The following INTS8 variants were observed in gnomAD, a reference collection of about 807,000 sequenced individuals.
The protein encoded by INTS8 is integrator complex subunit 8.
Under a neutral mutation model 138.9 loss-of-function variants are expected in INTS8, and 47 were observed. That is an observed-to-expected ratio of 0.34 (90% CI 0.27 to 0.43). The LOEUF (loss-of-function observed/expected upper bound fraction) is 0.43. INTS8 is among the 20% of genes least tolerant of loss of function. The pLI is 1.00. For synonymous variants in INTS8, 392 were observed against 400.9 expected (o/e 0.98, Z 0.27); for missense variants, 996 against 1,173.0 (o/e 0.85, Z 2.20).
At chr8:94,859,345 C>T (rs1246461349) in intron 15 of INTS8, among the ~76,000 whole-genome samples, 166 bp from the exon 16 acceptor site, 1 of 151,708 alleles carries the variant, frequency 6.6e-6, no homozygotes, top group Non-Finnish European at 1.5e-5. Context: ...AACTCCTGGC[C>T]TCAAGTGATC....
chr8:94,850,099 C>A lies in INTS8; in HGVS notation c.1507+8C>A. ...CATTTTATGATATCCCAGGTTAGCT[C>A]TCTAGTCGGCCAGCCAAAATGTTGG... On this transcript the variant is annotated splice_region_variant and intron_variant, in intron 12 of 26. Transcript: ENST00000523731. 6.4e-7 allele frequency: 1 copy of A among 1,564,800 alleles called. No homozygotes were observed. Among genetic ancestry groups the A allele is most frequent in the South Asian group, 1.2e-5 (1 of 82,568 alleles).
rs1233317527 is a variant in INTS8, at chr8:94,880,949, C to A, written c.*715C>A. On this transcript the variant is annotated 3_prime_UTR_variant, in exon 27 of 27. Transcript: ENST00000523731. The stretch of plus-strand genomic sequence containing the variant: ...ACAGCATTTATCTTGTTTATAATTT[C>A]TTTGGTACTCCCACTGTTTAGAGCA... 2.5e-6 allele frequency: 1 copy of A among 398,634 alleles called. No homozygotes were observed. The highest frequency in any genetic ancestry group is 4.4e-6 in the Non-Finnish European group (1 of 225,904). 24.7% of individuals were successfully genotyped at this position (398,634 alleles called of 1,614,324 possible). A position where few individuals can be genotyped will look rare whatever the true frequency, so the allele number is the denominator to read the frequency against.
intron 8 of INTS8, among the ~76,000 whole-genome samples, chr8:94,840,966 G>T (rs140212170): frequency 0.034 from 5,095 of 149,304 alleles, 94 homozygotes; most frequent in Non-Finnish European, 0.04. Flanking sequence ...AGGCTGGAGT[G>T]CAGTGGCACC....
intron 22 of INTS8, 77 bp from the exon 23 acceptor site, chr8:94,874,475 T>A: frequency 3.8e-6 from 3 of 796,712 alleles, no homozygotes; most frequent in Non-Finnish European, 6.6e-6. Flanking sequence ...TCTTTTGACA[T>A]CCCATACCAG....
intron 8 of INTS8, among the ~76,000 whole-genome samples, chr8:94,839,243 CTT>C (rs775016632): frequency 4.6e-5 from 7 of 152,178 alleles, no homozygotes; most frequent in Non-Finnish European, 1.0e-4. Context: ...TAATGAGTCT[CTT>C]GAGACTTTTA....
intron 18 of INTS8, 66 bp downstream of exon 18, chr8:94,866,257 T>C: frequency 1.2e-6 from 1 of 830,042 alleles, no homozygotes; most frequent in Non-Finnish European, 2.1e-6. Context: ...CTAAAAATTA[T>C]TGGGTACTTC....
At chr8:94,847,035 C>G (rs1316225946) in intron 10 of INTS8, among the ~76,000 whole-genome samples, 5 of 151,982 alleles carry the variant, frequency 3.3e-5, no homozygotes. Flanking sequence ...GATTGATGCA[C>G]ATATTTTTAT....
intron 16 of INTS8, among the ~76,000 whole-genome samples, chr8:94,862,025 C>A (rs1333577980): frequency 3.3e-5 from 5 of 152,078 alleles, no homozygotes; most frequent in Admixed American, 6.5e-5. Flanking sequence ...ATTGCAACCT[C>A]TACCTCCCAG....
rs1463858744 is a variant in INTS8 at position 94,874,259 on chromosome 8, G to T, written c.2638-293G>T. Among the ~76,000 whole-genome samples, 17 of 141,878 alleles carry T rather than the reference G, an allele frequency of 1.2e-4. No individual in the cohort carries two copies. In the East Asian group the frequency reaches 2.9e-3, roughly 24 times the overall value. 93.1% of individuals were successfully genotyped at this position (141,878 alleles called of 152,430 possible). A position where few individuals can be genotyped will look rare whatever the true frequency, so the allele number is the denominator to read the frequency against. Reference sequence around the variant, plus strand: ...TCAAATTTTGTCCGTTTTTTTTTTTGATATGCATTGCCATTTCCTCTGATG... The same window carrying T: ...TCAAATTTTGTCCGTTTTTTTTTTTTATATGCATTGCCATTTCCTCTGATG... On this transcript the variant is annotated intron_variant, in intron 22 of 26. Coordinates refer to ENST00000523731, the MANE Select transcript of INTS8 (RefSeq NM_017864.4).
intron 21 of INTS8, 133 bp from the exon 22 acceptor site, chr8:94,873,241 T>A: frequency 1.3e-6 from 1 of 753,280 alleles, no homozygotes; most frequent in Non-Finnish European, 2.4e-6. Flanking sequence ...AAATACGAAC[T>A]AACATTTTAT....
chr8:94,876,287 T>A lies in INTS8; in HGVS notation c.2827+2T>A. ...TTACCATTTTGGAATACTTGACTTG[T>A]ATCCTTTCATCCATGTGTGTGATGT... On this transcript the variant is annotated splice_donor_variant, in intron 25 of 26. Coordinates refer to ENST00000523731, the MANE Select transcript of INTS8 (RefSeq NM_017864.4). LOFTEE classifies it high-confidence loss of function. 6.2e-7 allele frequency: 1 copy of A among 1,601,292 alleles called. No homozygotes were observed. The highest frequency in any genetic ancestry group is 8.6e-7 in the Non-Finnish European group (1 of 1,168,904).
At chr8:94,846,156 A>G (rs1300096262) in intron 10 of INTS8, among the ~76,000 whole-genome samples, 1 of 152,210 alleles carries the variant, frequency 6.6e-6, no homozygotes, top group African/African-American at 2.4e-5. Context: ...TTTTGTATCC[A>G]ACAACTTTGC....
At position 94,880,825 on chromosome 8, in the gene INTS8, T is replaced by C. The variant is rs1816781198; in HGVS notation, c.*591T>C. 1 of 398,596 alleles carries C rather than the reference T, an allele frequency of 2.5e-6. No homozygotes were observed. The highest frequency in any genetic ancestry group is 4.4e-5 in the Admixed American group (1 of 22,730). The allele number at this position is 398,596 out of a possible 1,614,324, so 24.7% of individuals were successfully genotyped here. ...TAAAGTGACTTCCTCATATAAATAG[T>C]TTGAAAGGGTACTTAAGTTTTTCAC... On this transcript the variant is annotated 3_prime_UTR_variant, in exon 27 of 27. Coordinates refer to ENST00000523731, the MANE Select transcript of INTS8 (RefSeq NM_017864.4).
chr8:94,870,890 C>T (rs999946941), intron 20 of INTS8, among the ~76,000 whole-genome samples: 1 of 152,052 alleles, frequency 6.6e-6, no homozygotes, highest in Admixed American at 6.5e-5. Context: ...TGGGTGCCGG[C>T]CTCGCTTTTC....
rs748785965 is a variant in INTS8, at chr8:94,880,240, T to TA, written c.*9dup. ...TGGCAAAACTTTACTTTTAAGCAGT[T>TA]AAATTTTTTTAACTTTTATTTTTTA... On this transcript the variant is annotated 3_prime_UTR_variant, in exon 27 of 27. Coordinates refer to ENST00000523731, the MANE Select transcript of INTS8 (RefSeq NM_017864.4). The TA allele has an allele frequency of 2.0e-6, 3 of 1,500,948 alleles. No homozygotes were observed. The African/African-American group carries it at 4.2e-5, about 21-fold the overall frequency. 93.0% of individuals were successfully genotyped at this position (1,500,948 alleles called of 1,614,324 possible). A position where few individuals can be genotyped will look rare whatever the true frequency, so the allele number is the denominator to read the frequency against.
In INTS8 at chr8:94,849,453, A is replaced by G. The variant is rs908167950; in HGVS notation, c.1261-9A>G. The G allele has an allele frequency of 2.8e-6, 4 of 1,412,864 alleles. No homozygotes were observed. The highest frequency in any genetic ancestry group is 3.9e-6 in the Non-Finnish European group (4 of 1,024,018). 87.5% of individuals were successfully genotyped at this position (1,412,864 alleles called of 1,614,324 possible). On this transcript the variant is annotated splice_polypyrimidine_tract_variant and intron_variant, in intron 10 of 26. Transcript: ENST00000523731. ...CCCATATTCAAATGAAAATTACTCA[A>G]ATTCCTAGGTATGTTCAAGATCAGT... is the stretch of plus-strand genomic sequence containing the variant.
chr8:94,874,032 A>G (rs1472558397), intron 22 of INTS8, among the ~76,000 whole-genome samples: 1 of 152,188 alleles, frequency 6.6e-6, no homozygotes, highest in Non-Finnish European at 1.5e-5. Flanking sequence ...AAAAAAACAT[A>G]TCCATTGCCT....
chr8:94,824,122 A>C (rs1297873275), intron 1 of INTS8, among the ~76,000 whole-genome samples: 2 of 152,242 alleles, frequency 1.3e-5, no homozygotes, highest in African/African-American at 4.8e-5. Flanking sequence ...TATAGTGATG[A>C]TAATGATTAA....
intron 16 of INTS8, among the ~76,000 whole-genome samples, chr8:94,861,709 C>T (rs1815991315): frequency 2.0e-5 from 3 of 152,058 alleles, no homozygotes; most frequent in African/African-American, 7.2e-5. Flanking sequence ...CGCACCACCA[C>T]GCCTGGCTAA....
Sources: allele counts gnomAD v4.1 joint callset (sites outside exome capture counted in the v4.1 genomes callset), GRCh38; gene constraint gnomAD v4.1.1; transcripts MANE v1.5; gene names NCBI Gene and HGNC (gene_info 2026-07-23, HGNC 2026-07-21).